Variants in CHST7 observed in about 807,000 individuals in gnomAD.
The protein encoded by CHST7 is carbohydrate sulfotransferase 7, also known as N-acetylglucosamine 6-O-sulfotransferase 4.
A neutral mutation model predicts 9.0 loss-of-function variants in CHST7; 5 were observed. The observed-to-expected ratio is 0.56, with a 90% CI of 0.29 to 1.17. The LOEUF is 1.17. CHST7 is among the 50% of genes most tolerant of loss of function. The probability of loss-of-function intolerance (pLI) is 0.08; values close to 1 mark genes in which losing one functional copy is unlikely to be tolerated. For missense variants in CHST7, 377 were observed against 485.1 expected, an observed-to-expected ratio of 0.78 and a Z score of 2.09; for synonymous variants, 244 against 237.1, an observed-to-expected ratio of 1.03 and a Z score of -0.27.
intron 1 of CHST7, among the ~76,000 whole-genome samples, chrX:46,591,629 C>A (rs2146641993): frequency 9.0e-6 from 1 of 111,437 alleles, no homozygotes; most frequent in East Asian, 2.8e-4. Flanking sequence ...CCCGCCTCAG[C>A]CTCCCAAAGT....
chrX:46,582,970 G>A (rs1457346576), intron 1 of CHST7, among the ~76,000 whole-genome samples: 4 of 106,438 alleles, frequency 3.8e-5, no homozygotes, highest in Non-Finnish European at 7.7e-5. Flanking sequence ...TTTTGTCTTG[G>A]CAGAGATTTT....
intron 1 of CHST7, among the ~76,000 whole-genome samples, chrX:46,589,977 C>T (rs1382646053): frequency 9.0e-6 from 1 of 111,574 alleles, no homozygotes; most frequent in African/African-American, 3.3e-5. Context: ...GTACTGCCAG[C>T]GATTCAATAA....
intron 1 of CHST7, among the ~76,000 whole-genome samples, chrX:46,576,309 A>T (rs1339512129): frequency 9.0e-6 from 1 of 110,625 alleles, no homozygotes; most frequent in Non-Finnish European, 1.9e-5. Flanking sequence ...TCTAGTGTCG[A>T]CAAGACCTCA....
intron 1 of CHST7, 134 bp downstream of exon 1, chrX:46,575,557 G>GA (rs1465602011): frequency 1.9e-6 from 1 of 530,594 alleles, no homozygotes; most frequent in Admixed American, 6.0e-5. Context: ...AAGAGGATGG[G>GA]AAAGTCCTGC....
Position 46,573,779 on chromosome X carries a change from C to T in CHST7, c.-153C>T, listed in dbSNP as rs1053143709. ...GGGGCGCCGTCAGTAGCACCACCGC[C>T]TTCCAAGTTTCCCCTTGTGGATGCG... On this transcript the variant is annotated 5_prime_UTR_variant, in exon 1 of 2. Transcript: ENST00000276055. 5.0e-5 allele frequency: 45 copies of T among 906,656 alleles called. No individual in the cohort carries two copies. Among genetic ancestry groups the T allele is most frequent in the African/African-American group, 2.1e-5 (1 of 48,597 alleles). 74.7% of individuals were successfully genotyped at this position (906,656 alleles called of 1,213,427 possible).
chrX:46,597,543 G>A (rs960998412), intron 1 of CHST7, among the ~76,000 whole-genome samples: 1 of 111,973 alleles, frequency 8.9e-6, no homozygotes, highest in Non-Finnish European at 1.9e-5. Flanking sequence ...AGGCGCCCCC[G>A]GAGTTTTCCC....
chrX:46,591,324 A>G (rs950556885), intron 1 of CHST7, among the ~76,000 whole-genome samples: 1 of 112,389 alleles, frequency 8.9e-6, no homozygotes, highest in Non-Finnish European at 1.9e-5. Context: ...TGAAAGATCA[A>G]ATTTTTCTAC....
intron 1 of CHST7, among the ~76,000 whole-genome samples, chrX:46,578,576 AT>A (rs57741167): frequency 1.9e-5 from 2 of 104,209 alleles, no homozygotes; most frequent in Non-Finnish European, 3.9e-5. Flanking sequence ...ATTAAAAGAA[AT>A]TTTTTTTTTG....
At position 46,574,359 on chromosome X, in the gene CHST7, C is replaced by T; in HGVS notation, c.428C>T (p.Pro143Leu). The T allele has an allele frequency of 8.3e-7, 1 of 1,209,589 alleles. No homozygotes were observed. The highest frequency in any genetic ancestry group is 1.1e-6 in the Non-Finnish European group (1 of 895,298). The change falls in exon 1 of 2, where the codon CCG (proline) becomes CTG (leucine). Residue 143 changes from proline to leucine, a missense_variant. This residue lies in a region of CHST7 where 239 missense variants were observed against 325.7 expected (regional missense o/e 0.73). Coordinates refer to ENST00000276055, the MANE Select transcript of CHST7 (RefSeq NM_019886.4). Reference protein sequence around the residue: ...PMWHLWQALYPGDAESLQGAL... With the variant: ...PMWHLWQALYLGDAESLQGAL... ...TGGCATCTATGGCAGGCGCTGTATC[C>T]GGGCGACGCCGAGAGCTTGCAGGGC... is the stretch of plus-strand genomic sequence containing the variant.
intron 1 of CHST7, among the ~76,000 whole-genome samples, chrX:46,582,071 T>C (rs994523148): frequency 6.0e-4 from 67 of 112,217 alleles, no homozygotes; most frequent in African/African-American, 2.1e-3. Context: ...TTCTGCACTT[T>C]TTTCACTTAT....
At chrX:46,585,447 G>A (rs1424940102) in intron 1 of CHST7, among the ~76,000 whole-genome samples, 1 of 109,983 alleles carries the variant, frequency 9.1e-6, no homozygotes, top group Non-Finnish European at 1.9e-5. Flanking sequence ...GCGCCACCAC[G>A]CCCGGCTAAT....
In CHST7 at chrX:46,574,114, G is replaced by A; in HGVS notation, c.183G>A (p.Ala61=). 8.6e-7 allele frequency: 1 copy of A among 1,160,990 alleles called. No individual in the cohort carries two copies. Among genetic ancestry groups the A allele is most frequent in the Non-Finnish European group, 1.1e-6 (1 of 871,838 alleles). Residue 61 remains alanine, a synonymous_variant, in exon 1 of 2, where the codon GCG becomes GCA. Coordinates refer to ENST00000276055, the MANE Select transcript of CHST7 (RefSeq NM_019886.4). Reference sequence around the variant, plus strand: ...GAGTGTGGAGCCTGGAGGCGGCGGCGGCCGGCGAACGCGAGCAGGGAGCGG... The same window carrying A: ...GAGTGTGGAGCCTGGAGGCGGCGGCAGCCGGCGAACGCGAGCAGGGAGCGG... The part of the protein sequence containing the change: ...SLGVWSLEAA[A]AGEREQGAEA...
At chrX:46,577,385 C>T (rs1942504965) in intron 1 of CHST7, among the ~76,000 whole-genome samples, 1 of 110,612 alleles carries the variant, frequency 9.0e-6, no homozygotes, top group African/African-American at 3.3e-5. Context: ...TCCTTCCTCC[C>T]GCATTGGGCA....
chrX:46,577,623 C>T (rs1942506076), intron 1 of CHST7, among the ~76,000 whole-genome samples: 2 of 110,863 alleles, frequency 1.8e-5, no homozygotes, highest in African/African-American at 3.3e-5. Context: ...ATGAGGAATC[C>T]GAGACTCAGA....
At chrX:46,588,301 A>T (rs1043433411) in intron 1 of CHST7, among the ~76,000 whole-genome samples, 5 of 111,278 alleles carry the variant, frequency 4.5e-5, no homozygotes, top group African/African-American at 1.6e-4. Context: ...TAGGCTCATT[A>T]CCTGACTTGA....
intron 1 of CHST7, among the ~76,000 whole-genome samples, chrX:46,580,628 C>G (rs778569289): frequency 9.0e-6 from 1 of 111,533 alleles, no homozygotes; most frequent in Non-Finnish European, 1.9e-5. Flanking sequence ...GATCAAGGCA[C>G]TCGGAGCTCC....
intron 1 of CHST7, 62 bp downstream of exon 1, chrX:46,575,485 G>A: frequency 1.1e-6 from 1 of 923,871 alleles, no homozygotes; most frequent in Non-Finnish European, 1.4e-6. Context: ...GGAATGGCCT[G>A]GGGAGGGGGA....
At chrX:46,590,668 A>T (rs1233128894) in intron 1 of CHST7, among the ~76,000 whole-genome samples, 1 of 112,204 alleles carries the variant, frequency 8.9e-6, no homozygotes, top group African/African-American at 3.2e-5. Flanking sequence ...GAGATCTAAC[A>T]ACAGACCTTA....
chrX:46,574,871 G>C lies in CHST7; in HGVS notation c.940G>C (p.Val314Leu), dbSNP rs1195808882. 1 of 1,169,664 alleles carries C rather than the reference G, an allele frequency of 8.5e-7. No individual in the cohort carries two copies. The highest frequency in any genetic ancestry group is 1.8e-5 in the African/African-American group (1 of 56,443). Residue 314 changes from valine to leucine, a missense_variant, in exon 1 of 2, where the codon GTG (valine) becomes CTG (leucine). This residue lies in a region of CHST7 where 239 missense variants were observed against 325.7 expected (regional missense o/e 0.73). Transcript: ENST00000276055. ...TRQRGDRFHRVLLAHGVGARP... is the reference protein window; with the variant it reads ...TRQRGDRFHRLLLAHGVGARP... ...CCAGAGGGGCGACCGCTTCCACCGTGTGCTGCTGGCGCACGGCGTGGGTGC... is the reference window on the plus strand; with the variant it reads ...CCAGAGGGGCGACCGCTTCCACCGTCTGCTGCTGGCGCACGGCGTGGGTGC...
Sources: gnomAD v4.1 joint callset for allele counts (sites outside exome capture counted in the v4.1 genomes callset) on GRCh38, gnomAD v4.1.1 for gene constraint, gnomAD v4.1.1 regional missense constraint, MANE v1.5 for transcripts, NCBI Gene and HGNC (gene_info 2026-07-23, HGNC 2026-07-21) for gene names.